Variants in FMNL2 observed in about 807,000 individuals in gnomAD.
FMNL2 encodes formin like 2, also known as formin-like protein 2.
FMNL2 carries 51 observed loss-of-function variants against 130.2 expected under a neutral mutation model. The ratio of observed to expected loss-of-function variants is 0.39; its 90% CI spans 0.31 to 0.49. The LOEUF (loss-of-function observed/expected upper bound fraction) is 0.49, where lower values mean the gene tolerates loss of function less well. FMNL2 is among the 20% of genes least tolerant of loss of function. The pLI is 0.85. For missense variants in FMNL2, 977 were observed against 1,316.2 expected (o/e 0.74, Z 3.99); for synonymous variants, 465 against 467.1 (o/e 1.00, Z 0.06).
intron 1 of FMNL2, among the ~76,000 whole-genome samples, chr2:152,382,841 T>C (rs1463331161): frequency 6.6e-6 from 1 of 152,118 alleles, no homozygotes; most frequent in East Asian, 1.9e-4. Flanking sequence ...CAATAAATAA[T>C]ACAGTCATGA....
chr2:152,525,998 G>A (rs530688772), intron 2 of FMNL2, among the ~76,000 whole-genome samples: 1 of 152,252 alleles, frequency 6.6e-6, no homozygotes, highest in Admixed American at 6.5e-5. Context: ...ACTGGAGAAC[G>A]TGCATCAATA....
At chr2:152,644,367 A>T (rs1042287246) in intron 25 of FMNL2, among the ~76,000 whole-genome samples, 8 of 152,172 alleles carry the variant, frequency 5.3e-5, no homozygotes, top group Non-Finnish European at 1.2e-4. Flanking sequence ...AAGTGCTCTA[A>T]AGTGCAAAAT....
chr2:152,530,243 A>G (rs1693614702), intron 2 of FMNL2, among the ~76,000 whole-genome samples: 1 of 152,230 alleles, frequency 6.6e-6, no homozygotes, highest in African/African-American at 2.4e-5. Flanking sequence ...TTATTAAGGC[A>G]GGTTAGCTAA....
rs1375661356 is a variant in FMNL2 at position 152,405,968 on chromosome 2, A to G, written c.117+70248A>G. Among the ~76,000 whole-genome samples, 6 of 152,246 alleles carry G rather than the reference A, an allele frequency of 3.9e-5. No individual in the cohort carries two copies. The East Asian group carries it at 1.2e-3, about 29-fold the overall frequency. The stretch of plus-strand genomic sequence containing the variant: ...TTATTCAGAAGCTAGGGGGATGTAG[A>G]AGAGTAAGAATTCTTCTGATTTTCA... On this transcript the variant is annotated intron_variant, in intron 1 of 25. Coordinates refer to ENST00000288670, the MANE Select transcript of FMNL2 (RefSeq NM_052905.4).
chr2:152,586,267 A>G (rs753083272), intron 9 of FMNL2, among the ~76,000 whole-genome samples: 23 of 152,228 alleles, frequency 1.5e-4, no homozygotes, highest in Admixed American at 2.6e-4. Flanking sequence ...ACTCTTGTGC[A>G]CAGCACTCTT....
intron 3 of FMNL2, among the ~76,000 whole-genome samples, chr2:152,545,001 G>A (rs1000473502): frequency 2.6e-5 from 4 of 152,192 alleles, no homozygotes; most frequent in African/African-American, 9.7e-5. Context: ...CGACATTTCT[G>A]CCCTGGCCCA....
chr2:152,439,079 TTGTG>T (rs10539703), intron 1 of FMNL2, among the ~76,000 whole-genome samples: 3,553 of 144,166 alleles, frequency 0.025, 87 homozygotes, highest in African/African-American at 0.062. Flanking sequence ...TTCAGTTTAA[TTGTG>T]TGTGTGTGTG....
chr2:152,641,683 G>A (rs1053030751), intron 25 of FMNL2, among the ~76,000 whole-genome samples: 5 of 151,880 alleles, frequency 3.3e-5, no homozygotes, highest in Admixed American at 2.0e-4. Flanking sequence ...CAACAATTAC[G>A]AACTCATGGC....
At chr2:152,356,308 T>C (rs62179530) in intron 1 of FMNL2, among the ~76,000 whole-genome samples, 21,463 of 152,046 alleles carry the variant, frequency 0.14, 1,617 homozygotes, top group African/African-American at 0.17. Flanking sequence ...TATTTTTGTG[T>C]AGACAGGGTT....
intron 4 of FMNL2, among the ~76,000 whole-genome samples, chr2:152,551,142 C>T (rs958802322): frequency 2.0e-5 from 2 of 97,864 alleles, no homozygotes; most frequent in Non-Finnish European, 2.0e-5. Flanking sequence ...TCCATCTCAC[C>T]GAAAAAAAAA....
chr2:152,551,123 G>C (rs1694913777), intron 4 of FMNL2, among the ~76,000 whole-genome samples: 1 of 131,136 alleles, frequency 7.6e-6, no homozygotes, highest in Non-Finnish European at 1.6e-5. Flanking sequence ...CTGGGTGACA[G>C]AACAAGACTC....
intron 15 of FMNL2, among the ~76,000 whole-genome samples, chr2:152,623,796 T>C (rs1382573896): frequency 6.6e-6 from 1 of 152,078 alleles, no homozygotes; most frequent in Non-Finnish European, 1.5e-5. Context: ...ATATAATAGA[T>C]AAATATAATT....
intron 2 of FMNL2, among the ~76,000 whole-genome samples, chr2:152,525,101 T>A (rs1223891202): frequency 6.6e-6 from 1 of 152,166 alleles, no homozygotes; most frequent in Non-Finnish European, 1.5e-5. Flanking sequence ...GTCACCCAGA[T>A]AGTGAAACGA....
intron 17 of FMNL2, among the ~76,000 whole-genome samples, chr2:152,627,314 G>A (rs748967801): frequency 6.6e-6 from 1 of 152,166 alleles, no homozygotes; most frequent in Non-Finnish European, 1.5e-5. Context: ...CTCTTGAACT[G>A]CATAGAAGGC....
intron 1 of FMNL2, among the ~76,000 whole-genome samples, chr2:152,436,938 C>T (rs879114349): frequency 6.6e-6 from 1 of 152,148 alleles, no homozygotes; most frequent in Admixed American, 6.6e-5. Flanking sequence ...ATACCATAGA[C>T]TTGGTGGCTT....
chr2:152,593,963 C>G lies in FMNL2; in HGVS notation c.876+12914C>G, dbSNP rs115015275. Among the ~76,000 whole-genome samples, 1,122 of 145,448 alleles carry G rather than the reference C, an allele frequency of 7.7e-3. 15 individuals carry two copies. Among genetic ancestry groups the G allele is most frequent in the African/African-American group, 0.026 (1,034 of 39,334 alleles). On this transcript the variant is annotated intron_variant, in intron 9 of 25. Coordinates refer to ENST00000288670, the MANE Select transcript of FMNL2 (RefSeq NM_052905.4). ...CCAAATGGGGATTGTAACTAAGTAA[C>G]TAAGGAGGAAAACTCCCCCACAGGG...
At chr2:152,523,091 T>C (rs1349302760) in intron 2 of FMNL2, among the ~76,000 whole-genome samples, 1 of 152,214 alleles carries the variant, frequency 6.6e-6, no homozygotes, top group East Asian at 1.9e-4. Flanking sequence ...GCATATAGCA[T>C]GGATATAGTA....
chr2:152,608,112 G>A (rs1042095482), intron 10 of FMNL2, among the ~76,000 whole-genome samples: 3 of 152,110 alleles, frequency 2.0e-5, no homozygotes, highest in East Asian at 1.9e-4. Context: ...TTCTCCAGAA[G>A]TTTTACGCTT....
chr2:152,552,972 A>T (rs77908057), intron 4 of FMNL2, among the ~76,000 whole-genome samples: 5,715 of 152,312 alleles, frequency 0.038, 226 homozygotes, highest in East Asian at 0.19. Flanking sequence ...GCAAGGTCAC[A>T]GAAGTTCTGA....
Sources: gnomAD v4.1 joint callset for allele counts (sites outside exome capture counted in the v4.1 genomes callset) on GRCh38, gnomAD v4.1.1 for gene constraint, MANE v1.5 for transcripts, NCBI Gene and HGNC (gene_info 2026-07-23, HGNC 2026-07-21) for gene names.